Variants in LRIG1 observed in about 807,000 individuals in gnomAD.
The protein encoded by LRIG1 is leucine-rich repeats and immunoglobulin-like domains protein 1.
In LRIG1, 48 loss-of-function variants were observed where a neutral mutation model predicts 99.2. The ratio of observed to expected loss-of-function variants is 0.48; its 90% CI spans 0.38 to 0.62. LRIG1 has a LOEUF of 0.62. Among genes scored for constraint, LRIG1 ranks in the 20% least tolerant of loss-of-function variants. The pLI is 0.00. For synonymous variants in LRIG1, 772 were observed against 596.1 expected (o/e 1.29, Z -4.30); for missense variants, 1,646 against 1,434.4 (o/e 1.15, Z -2.38).
At chr3:66,428,884 C>T (rs1055234951) in intron 3 of LRIG1, among the ~76,000 whole-genome samples, 3 of 152,236 alleles carry the variant, frequency 2.0e-5, no homozygotes, top group Non-Finnish European at 4.4e-5. Flanking sequence ...CCTCTCTCTT[C>T]CCCTGCTGCT....
chr3:66,430,180 AC>A (rs1485920646), intron 3 of LRIG1, among the ~76,000 whole-genome samples: 1 of 128,616 alleles, frequency 7.8e-6, no homozygotes, highest in Non-Finnish European at 1.6e-5. Flanking sequence ...CAAAACAACA[AC>A]AACAACAACA....
At chr3:66,391,267 A>T (rs1474534944) in intron 12 of LRIG1, among the ~76,000 whole-genome samples, 1 of 152,212 alleles carries the variant, frequency 6.6e-6, no homozygotes, top group Non-Finnish European at 1.5e-5. Context: ...CCCTCAAAAA[A>T]GCTGAGCACA....
chr3:66,423,928 G>A (rs867504838), intron 3 of LRIG1, among the ~76,000 whole-genome samples: 3 of 152,308 alleles, frequency 2.0e-5, no homozygotes, highest in Middle Eastern at 6.8e-3. Context: ...ATCAGAGCCA[G>A]GCTAAGGATC....
chr3:66,443,497 C>A (rs1703617098), intron 3 of LRIG1, among the ~76,000 whole-genome samples: 1 of 152,180 alleles, frequency 6.6e-6, no homozygotes, highest in East Asian at 1.9e-4. Context: ...CTGTAACTTA[C>A]ACCTCTGTGT....
intron 1 of LRIG1, among the ~76,000 whole-genome samples, chr3:66,471,388 C>G (rs544733785): frequency 8.7e-4 from 133 of 152,312 alleles, no homozygotes; most frequent in Non-Finnish European, 1.5e-3. Context: ...CTATCCTCAC[C>G]CCATCCAGTA....
chr3:66,488,080 GGAAAA>G (rs748155932), intron 1 of LRIG1, among the ~76,000 whole-genome samples: 1 of 152,044 alleles, frequency 6.6e-6, no homozygotes, highest in Non-Finnish European at 1.5e-5. Flanking sequence ...ATGAGTGGAA[GGAAAA>G]GAAAAGCCCA....
At chr3:66,413,900 T>C (rs1175984691) in intron 5 of LRIG1, among the ~76,000 whole-genome samples, 1 of 152,168 alleles carries the variant, frequency 6.6e-6, no homozygotes, top group East Asian at 1.9e-4. Flanking sequence ...TATTTTGTTT[T>C]GTTGAAACAA....
At chr3:66,495,557 G>C (rs181274340) in intron 1 of LRIG1, among the ~76,000 whole-genome samples, 1 of 152,154 alleles carries the variant, frequency 6.6e-6, no homozygotes, top group Non-Finnish European at 1.5e-5. Flanking sequence ...TTAAACAAAC[G>C]AGGAAAAGAA....
At chr3:66,429,836 G>C (rs944612698) in intron 3 of LRIG1, among the ~76,000 whole-genome samples, 2 of 144,944 alleles carry the variant, frequency 1.4e-5, no homozygotes, top group African/African-American at 5.1e-5. Flanking sequence ...AGATGGCGGG[G>C]GCATATGGGA....
chr3:66,398,214 G>GA, intron 10 of LRIG1, 31 bp from the exon 11 acceptor site: 1 of 1,569,566 alleles, frequency 6.4e-7, no homozygotes, highest in Non-Finnish European at 8.8e-7. Flanking sequence ...CTTATGCAAA[G>GA]AAACCCTAGG....
At position 66,432,489 on chromosome 3, in the gene LRIG1, C is replaced by G. The variant is rs151230148; in HGVS notation, c.366-15223G>C. ...AATCTAACATTTTGTTAGTGCTTACCAGTAGCTAGGCGCTGGCTTCGCTCT... is the reference window on the plus strand; with the variant it reads ...AATCTAACATTTTGTTAGTGCTTACGAGTAGCTAGGCGCTGGCTTCGCTCT... On this transcript the variant is annotated intron_variant, in intron 3 of 18. Coordinates refer to ENST00000273261, the MANE Select transcript of LRIG1 (RefSeq NM_015541.3). Among the ~76,000 whole-genome samples, 429 of 152,254 alleles carry G rather than the reference C, an allele frequency of 2.8e-3. 2 individuals carry two copies. The highest frequency in any genetic ancestry group is 0.013 in the East Asian group (66 of 5,176).
intron 1 of LRIG1, among the ~76,000 whole-genome samples, chr3:66,487,689 C>G (rs998053851): frequency 6.6e-6 from 1 of 152,164 alleles, no homozygotes; most frequent in South Asian, 2.1e-4. Context: ...ACAATAAATT[C>G]ACCAGAACGA....
intron 9 of LRIG1, among the ~76,000 whole-genome samples, chr3:66,403,776 C>T (rs1034275437): frequency 2.0e-5 from 3 of 152,214 alleles, no homozygotes; most frequent in South Asian, 2.1e-4. Flanking sequence ...CGGACTGACA[C>T]GCCCCACGAG....
chr3:66,498,815 T>C (rs1487296969), intron 1 of LRIG1, among the ~76,000 whole-genome samples: 1 of 152,204 alleles, frequency 6.6e-6, no homozygotes, highest in East Asian at 1.9e-4. Flanking sequence ...TGGAGCAGTG[T>C]CTCGGGCCAA....
chr3:66,388,731 A>G (rs1459486159), intron 12 of LRIG1, among the ~76,000 whole-genome samples: 2 of 152,242 alleles, frequency 1.3e-5, no homozygotes, highest in East Asian at 3.8e-4. Context: ...ACGTTCAACT[A>G]TGAATTCTAT....
At chr3:66,493,079 C>T (rs1462156120) in intron 1 of LRIG1, among the ~76,000 whole-genome samples, 1 of 139,830 alleles carries the variant, frequency 7.2e-6, no homozygotes, top group Non-Finnish European at 1.5e-5. Context: ...CCTGTCCTCC[C>T]TCCTCCCTCC....
At chr3:66,452,363 A>G (rs915407455) in intron 2 of LRIG1, among the ~76,000 whole-genome samples, 1 of 152,228 alleles carries the variant, frequency 6.6e-6, no homozygotes, top group East Asian at 1.9e-4. Flanking sequence ...CACGAACCAA[A>G]GCACGGCTCG....
intron 2 of LRIG1, among the ~76,000 whole-genome samples, chr3:66,453,350 A>T (rs1309099142): frequency 5.3e-5 from 8 of 152,246 alleles, no homozygotes; most frequent in Non-Finnish European, 1.2e-4. Flanking sequence ...GCTTTTCAGT[A>T]TATTAATGCA....
In LRIG1 at chr3:66,380,786, G is replaced by C; in HGVS notation, c.2846C>G (p.Pro949Arg). The C allele has an allele frequency of 6.2e-7, 1 of 1,614,210 alleles. No individual in the cohort carries two copies. Among genetic ancestry groups the C allele is most frequent in the Non-Finnish European group, 8.5e-7 (1 of 1,180,044 alleles). Residue 949 changes from proline to arginine, a missense_variant, in exon 18 of 19, where the codon CCC becomes CGC. By Grantham distance (103) the Pro-to-Arg change is moderately radical. Coordinates refer to ENST00000273261, the MANE Select transcript of LRIG1 (RefSeq NM_015541.3). ...TGCGCTGTCTCTGGACACAGGCTGG[G>C]GGTGGAAGGCTTGTCCCCTGGAGTA... ...DCYSRGQAFH[P>R]QPVSRDSAQP...
Sources: gnomAD v4.1 joint callset for allele counts (sites outside exome capture counted in the v4.1 genomes callset) on GRCh38, gnomAD v4.1.1 for gene constraint, MANE v1.5 for transcripts, NCBI Gene and HGNC (gene_info 2026-07-23, HGNC 2026-07-21) for gene names.